CCDC102B: variants seen among roughly 807,000 people sequenced by gnomAD.
The protein encoded by CCDC102B is coiled-coil domain-containing protein 102B.
CCDC102B carries 75 observed loss-of-function variants against 57.4 expected under a neutral mutation model. The observed-to-expected ratio is 1.31, with a 90% CI of 1.08 to 1.58. The LOEUF (loss-of-function observed/expected upper bound fraction) is 1.58. Ranked by LOEUF, CCDC102B falls within the 40% of genes most tolerant of loss-of-function variation. The probability of loss-of-function intolerance (pLI) is 0.00; values close to 1 mark genes in which losing one functional copy is unlikely to be tolerated. For missense variants in CCDC102B, 636 were observed against 582.6 expected, an observed-to-expected ratio of 1.09 and a Z score of -0.94; for synonymous variants, 206 against 201.9, an observed-to-expected ratio of 1.02 and a Z score of -0.17.
intron 7 of CCDC102B, among the ~76,000 whole-genome samples, chr18:69,033,968 A>G (rs1281777753): frequency 6.6e-6 from 1 of 151,970 alleles, no homozygotes; most frequent in Non-Finnish European, 1.5e-5. Context: ...GTACATTTAC[A>G]TGTGCTAACT....
chr18:68,939,588 T>C (rs560990295), intron 6 of CCDC102B, among the ~76,000 whole-genome samples: 3 of 151,924 alleles, frequency 2.0e-5, no homozygotes, highest in South Asian at 4.1e-4. Context: ...CTTCCTGTTA[T>C]TGGAAAGTAA....
At chr18:68,741,747 A>T (rs1420393550) in intron 2 of CCDC102B, among the ~76,000 whole-genome samples, 1 of 152,014 alleles carries the variant, frequency 6.6e-6, no homozygotes, top group Non-Finnish European at 1.5e-5. Flanking sequence ...TATTGCTCAT[A>T]TAACAAGGCT....
At position 69,054,034 on chromosome 18, in the gene CCDC102B, A is replaced by G. The variant is rs2052772359; in HGVS notation, c.1439A>G (p.Asp480Gly). 2 of 1,601,194 alleles carry G rather than the reference A, an allele frequency of 1.2e-6. No homozygotes were observed. Among genetic ancestry groups the G allele is most frequent in the South Asian group, 2.3e-5 (2 of 88,888 alleles). The stretch of plus-strand genomic sequence containing the variant: ...CATTTTCTACTTCGCTTTCAGCTTG[A>G]TGATTCCCTGAATCAGATCCGTAAG... ...QGLNQKEDEL[D>G]DSLNQIRKLQ... Residue 480 changes from aspartate (D) to glycine (G), a missense_variant, in exon 8 of 8, where the codon GAT becomes GGT. Coordinates refer to ENST00000360242, the MANE Select transcript of CCDC102B (RefSeq NM_024781.3).
intron 6 of CCDC102B, among the ~76,000 whole-genome samples, chr18:68,939,322 TG>T (rs1264828985): frequency 6.6e-6 from 1 of 151,796 alleles, no homozygotes; most frequent in East Asian, 1.9e-4. Flanking sequence ...TGGGAAATTT[TG>T]CATGTTATTA....
At chr18:69,012,431 A>AT (rs1207275463) in intron 7 of CCDC102B, among the ~76,000 whole-genome samples, 1 of 152,102 alleles carries the variant, frequency 6.6e-6, no homozygotes, top group South Asian at 2.1e-4. Flanking sequence ...TCACAGTGTA[A>AT]TTGTGCAATT....
intron 2 of CCDC102B, among the ~76,000 whole-genome samples, chr18:68,724,097 TC>T (rs1451403030): frequency 6.6e-6 from 1 of 152,196 alleles, no homozygotes; most frequent in East Asian, 1.9e-4. Context: ...GGGGCTTGCA[TC>T]GTCAGAAGCA....
chr18:68,777,584 T>C (rs569240480), intron 2 of CCDC102B, among the ~76,000 whole-genome samples: 1 of 152,200 alleles, frequency 6.6e-6, no homozygotes, highest in Non-Finnish European at 1.5e-5. Flanking sequence ...AATCTTTTTC[T>C]TGGCATGGGT....
At chr18:68,788,483 TC>T (rs1299526771) in intron 2 of CCDC102B, among the ~76,000 whole-genome samples, 1 of 151,612 alleles carries the variant, frequency 6.6e-6, no homozygotes, top group Non-Finnish European at 1.5e-5. Flanking sequence ...TGTAGGTCGC[TC>T]AGGACTTGCT....
At chr18:68,715,463 T>G (rs1442787227) in intron 1 of CCDC102B, 1 of 162,892 alleles carries the variant, frequency 6.1e-6, no homozygotes, top group African/African-American at 2.4e-5. Context: ...TGGATCAAAT[T>G]CCTGGAAAGA....
intron 7 of CCDC102B, among the ~76,000 whole-genome samples, chr18:69,028,340 A>G (rs1187212898): frequency 6.6e-6 from 1 of 152,222 alleles, no homozygotes; most frequent in Non-Finnish European, 1.5e-5. Context: ...AATGATATTC[A>G]GCACAGCTGA....
At chr18:68,738,028 C>A (rs769041389) in intron 2 of CCDC102B, among the ~76,000 whole-genome samples, 6 of 152,144 alleles carry the variant, frequency 3.9e-5, no homozygotes, top group Non-Finnish European at 7.3e-5. Context: ...AATGACCACT[C>A]ATTTAATGTG....
intron 7 of CCDC102B, among the ~76,000 whole-genome samples, chr18:69,012,522 C>G (rs1378008758): frequency 1.3e-5 from 2 of 152,130 alleles, no homozygotes; most frequent in Non-Finnish European, 2.9e-5. Flanking sequence ...TCATCAATGT[C>G]AGGTTTGGTC....
intron 2 of CCDC102B, among the ~76,000 whole-genome samples, chr18:68,779,120 C>T (rs952120070): frequency 1.1e-4 from 17 of 152,000 alleles, no homozygotes; most frequent in Non-Finnish European, 2.9e-5. Context: ...AAATACCTTG[C>T]CCTCATCTCC....
rs1169021430 is a variant in CCDC102B, at chr18:68,810,812, G to A, written c.-16+12631G>A. Among the ~76,000 whole-genome samples, 4 of 149,358 alleles carry A rather than the reference G, an allele frequency of 2.7e-5. No homozygotes were observed. The East Asian group carries it at 6.0e-4, about 22-fold the overall frequency. Reference sequence around the variant, plus strand: ...CCCATCAATGCATCTTCTACATTAGGTATTTATCCTAATGCTATCCCTCCC... The same window carrying A: ...CCCATCAATGCATCTTCTACATTAGATATTTATCCTAATGCTATCCCTCCC... On this transcript the variant is annotated intron_variant, in intron 1 of 7. Coordinates refer to ENST00000360242, the MANE Select transcript of CCDC102B (RefSeq NM_024781.3).
intron 1 of CCDC102B, among the ~76,000 whole-genome samples, chr18:68,811,401 G>A (rs1408303979): frequency 1.3e-5 from 2 of 152,130 alleles, no homozygotes; most frequent in African/African-American, 4.8e-5. Context: ...GATCACCTGG[G>A]ATCAGGGGTT....
At chr18:68,749,803 C>T (rs1426484911) in intron 2 of CCDC102B, among the ~76,000 whole-genome samples, 2 of 151,846 alleles carry the variant, frequency 1.3e-5, no homozygotes, top group Non-Finnish European at 2.9e-5. Context: ...GTCAGAACTT[C>T]CTAGACCTAA....
chr18:69,035,659 T>C, intron 7 of CCDC102B, among the ~76,000 whole-genome samples: 1 of 152,084 alleles, frequency 6.6e-6, no homozygotes, highest in Non-Finnish European at 1.5e-5. Context: ...AAAATGTCTT[T>C]ATTGGTTTTA....
At chr18:68,820,159 C>T (rs1203589197) in intron 1 of CCDC102B, among the ~76,000 whole-genome samples, 1 of 152,034 alleles carries the variant, frequency 6.6e-6, no homozygotes, top group Non-Finnish European at 1.5e-5. Flanking sequence ...GTAAAGCTAT[C>T]AATAATTCAA....
chr18:68,768,388 A>G (rs2034534395), intron 2 of CCDC102B, among the ~76,000 whole-genome samples: 1 of 152,202 alleles, frequency 6.6e-6, no homozygotes, highest in South Asian at 2.1e-4. Flanking sequence ...CAGCTGGTAA[A>G]TATCACTTAG....
Sources: gnomAD v4.1 joint callset for allele counts (sites outside exome capture counted in the v4.1 genomes callset) on GRCh38, gnomAD v4.1.1 for gene constraint, MANE v1.5 for transcripts, NCBI Gene and HGNC (gene_info 2026-07-23, HGNC 2026-07-21) for gene names.